The following NECAB1 variants were observed in gnomAD, a reference collection of about 807,000 sequenced individuals.
NECAB1 encodes the protein N-terminal EF-hand calcium binding protein 1, also known as N-terminal EF-hand calcium-binding protein 1.
Under a neutral mutation model 57.5 loss-of-function variants are expected in NECAB1, and 29 were observed. The ratio of observed to expected loss-of-function variants is 0.50; its 90% confidence interval spans 0.38 to 0.69. NECAB1 has a LOEUF of 0.69. NECAB1 is among the 30% of genes least tolerant of loss of function. NECAB1 has a pLI of 0.00. For synonymous variants in NECAB1, 142 were observed against 147.7 expected (o/e 0.96, Z 0.28); for missense variants, 372 against 413.8 (o/e 0.90, Z 0.88).
intron 3 of NECAB1, among the ~76,000 whole-genome samples, chr8:90,855,666 T>C: frequency 6.6e-6 from 1 of 152,204 alleles, no homozygotes; most frequent in South Asian, 2.1e-4. Context: ...GGCTGGACTT[T>C]GAATATTAAT....
chr8:90,852,762 T>G (rs1294442131), intron 3 of NECAB1, among the ~76,000 whole-genome samples: 1 of 152,196 alleles, frequency 6.6e-6, no homozygotes. Context: ...ATTATGTGTC[T>G]GCCCTGTCTC....
intron 3 of NECAB1, among the ~76,000 whole-genome samples, chr8:90,842,263 T>G (rs1356135332): frequency 6.6e-6 from 1 of 152,236 alleles, no homozygotes; most frequent in Non-Finnish European, 1.5e-5. Context: ...GGAAGCCTCC[T>G]AAAAGGTCCA....
At chr8:90,914,685 T>C (rs1809910116) in intron 5 of NECAB1, among the ~76,000 whole-genome samples, 1 of 152,334 alleles carries the variant, frequency 6.6e-6, no homozygotes, top group South Asian at 2.1e-4. Context: ...GTTAGCCTAA[T>C]CATAACTTTC....
chr8:90,904,778 C>CA (rs202210359), intron 5 of NECAB1, among the ~76,000 whole-genome samples: 3,816 of 151,968 alleles, frequency 0.025, 67 homozygotes, highest in Non-Finnish European at 0.038. Flanking sequence ...ATGGATCTGG[C>CA]AAAAATGTAT....
chr8:90,956,338 C>G lies in NECAB1; in HGVS notation c.*826C>G, dbSNP rs932400983. The G allele has an allele frequency of 6.6e-6, 1 of 151,772 alleles. No individual in the cohort carries two copies. Among genetic ancestry groups the G allele is most frequent in the Non-Finnish European group, 1.5e-5 (1 of 67,868 alleles). 9.4% of individuals were successfully genotyped at this position (151,772 alleles called of 1,614,324 possible). On this transcript the variant is annotated 3_prime_UTR_variant, in exon 13 of 13. Coordinates refer to ENST00000417640, the MANE Select transcript of NECAB1 (RefSeq NM_022351.5). ...TGAAAAATACATATTTGCATGTAAACAATGATTTCAAAATACTTGAAAAAT... is the reference window on the plus strand; with the variant it reads ...TGAAAAATACATATTTGCATGTAAAGAATGATTTCAAAATACTTGAAAAAT...
rs887015091 is a variant in NECAB1 at position 90,910,431 on chromosome 8, C to G, written c.358-7061C>G. On this transcript the variant is annotated intron_variant, in intron 5 of 12. Transcript: ENST00000417640. ...GAATTTTTTCAAAGGAAGTTGTGTTCAAAATTGTTTTTCTAACTTCACAGG... is the reference window on the plus strand; with the variant it reads ...GAATTTTTTCAAAGGAAGTTGTGTTGAAAATTGTTTTTCTAACTTCACAGG... 2.0e-5 allele frequency among the ~76,000 whole-genome samples: 3 copies of G among 152,042 alleles called. No homozygotes were observed. The East Asian group carries it at 5.8e-4, about 29-fold the overall frequency.
At chr8:90,932,082 C>T (rs1318727378) in intron 8 of NECAB1, among the ~76,000 whole-genome samples, 2 of 152,092 alleles carry the variant, frequency 1.3e-5, no homozygotes, top group African/African-American at 2.4e-5. Context: ...CAGGATGTCA[C>T]ACTCATACAA....
rs544977254 is a variant in NECAB1, at chr8:90,853,579, G to A, written c.234-18549G>A. 7.9e-5 allele frequency among the ~76,000 whole-genome samples: 12 copies of A among 152,156 alleles called. 1 individual carries two copies. In the South Asian group the frequency reaches 2.5e-3, roughly 32 times the overall value. On this transcript the variant is annotated intron_variant, in intron 3 of 12. Coordinates refer to ENST00000417640, the MANE Select transcript of NECAB1 (RefSeq NM_022351.5). ...TCTTAGAGTATTTGTTTATTTATTA[G>A]TGAGCTCCATTAGCAGCTCACTAAT...
chr8:90,892,633 A>T (rs1163196624), intron 5 of NECAB1, among the ~76,000 whole-genome samples: 3 of 152,092 alleles, frequency 2.0e-5, no homozygotes, highest in Admixed American at 6.6e-5. Flanking sequence ...TTTTGTCCTT[A>T]ATGTTGGTCA....
At chr8:90,836,755 A>G (rs137871352) in intron 3 of NECAB1, among the ~76,000 whole-genome samples, 78 of 152,314 alleles carry the variant, frequency 5.1e-4, no homozygotes, top group African/African-American at 1.9e-3. Context: ...CTAATTATTC[A>G]TTTATTTATT....
At chr8:90,891,337 C>T (rs936564094) in intron 5 of NECAB1, among the ~76,000 whole-genome samples, 1 of 152,116 alleles carries the variant, frequency 6.6e-6, no homozygotes, top group Non-Finnish European at 1.5e-5. Context: ...TTATTTGTTT[C>T]CCAACTGTCA....
intron 3 of NECAB1, among the ~76,000 whole-genome samples, chr8:90,866,980 T>C (rs954586616): frequency 6.6e-6 from 1 of 152,146 alleles, no homozygotes; most frequent in Non-Finnish European, 1.5e-5. Flanking sequence ...CTGTTCACAA[T>C]AGCAAAGACT....
chr8:90,807,502 C>T (rs1811869809), intron 2 of NECAB1, among the ~76,000 whole-genome samples: 1 of 152,136 alleles, frequency 6.6e-6, no homozygotes, highest in African/African-American at 2.4e-5. Flanking sequence ...TTCTGTCTTT[C>T]GCACTTGGGA....
intron 5 of NECAB1, among the ~76,000 whole-genome samples, chr8:90,894,270 A>G (rs1240017414): frequency 2.0e-5 from 3 of 152,196 alleles, no homozygotes; most frequent in African/African-American, 7.2e-5. Context: ...AATACATGAT[A>G]TTAGAAGAAT....
At chr8:90,931,952 A>AC (rs76300986) in intron 8 of NECAB1, among the ~76,000 whole-genome samples, 2 of 151,734 alleles carry the variant, frequency 1.3e-5, no homozygotes, top group African/African-American at 2.4e-5. Flanking sequence ...ACAAAAAAAA[A>AC]CCCCACCTTT....
chr8:90,886,778 A>G (rs554574346), intron 5 of NECAB1, among the ~76,000 whole-genome samples: 6 of 152,046 alleles, frequency 3.9e-5, no homozygotes, highest in African/African-American at 4.8e-5. Context: ...AAAAACTTTT[A>G]TTGGAATTTT....
rs190416108 is a variant in NECAB1, at chr8:90,821,129, G to A, written c.125-3588G>A. On this transcript the variant is annotated intron_variant, in intron 2 of 12. Transcript: ENST00000417640. Reference sequence around the variant, plus strand: ...CAAGCATACACCTCAAGCCCCCATCGCCCATTGACTTTTCTAGACCCCTGT... The same window carrying A: ...CAAGCATACACCTCAAGCCCCCATCACCCATTGACTTTTCTAGACCCCTGT... Among the ~76,000 whole-genome samples the A allele has an allele frequency of 1.8e-3, 279 of 151,684 alleles. 1 individual carries two copies. Among genetic ancestry groups the A allele is most frequent in the African/African-American group, 6.4e-3 (265 of 41,420 alleles).
At chr8:90,895,448 C>G (rs1238682373) in intron 5 of NECAB1, among the ~76,000 whole-genome samples, 1 of 152,206 alleles carries the variant, frequency 6.6e-6, no homozygotes, top group African/African-American at 2.4e-5. Context: ...ATGTACAGAG[C>G]AGGTGCCACC....
In NECAB1 at chr8:90,947,111, G is replaced by A. The variant is rs1810820643; in HGVS notation, c.861-2696G>A. 2.6e-5 allele frequency among the ~76,000 whole-genome samples: 4 copies of A among 152,104 alleles called. No individual in the cohort carries two copies. In the South Asian group the frequency reaches 6.2e-4, roughly 24 times the overall value. ...ACCACCATTAATACTTATATTATTA[G>A]CTTGCTGCTTCTCATTGCTTTAATA... On this transcript the variant is annotated intron_variant, in intron 10 of 12. Coordinates refer to ENST00000417640, the MANE Select transcript of NECAB1 (RefSeq NM_022351.5).
Sources: allele counts gnomAD v4.1 joint callset (sites outside exome capture counted in the v4.1 genomes callset), GRCh38; gene constraint gnomAD v4.1.1; transcripts MANE v1.5; gene names NCBI Gene and HGNC (gene_info 2026-07-23, HGNC 2026-07-21).